Variants in LMNTD1 observed in about 807,000 individuals in gnomAD.
LMNTD1 encodes lamin tail domain-containing protein 1.
A neutral mutation model predicts 50.9 loss-of-function variants in LMNTD1; 35 were observed. That is an observed-to-expected ratio of 0.69 (90% CI 0.53 to 0.91). The LOEUF is 0.91. Ranked by LOEUF, LMNTD1 falls within the 40% of genes least tolerant of loss-of-function variation. LMNTD1 has a pLI of 0.00. For synonymous variants in LMNTD1, 153 were observed against 161.9 expected (o/e 0.94, Z 0.42); for missense variants, 470 against 475.5 (o/e 0.99, Z 0.11).
chr12:25,646,723 C>A, intron 1 of LMNTD1, among the ~76,000 whole-genome samples: 1 of 152,192 alleles, frequency 6.6e-6, no homozygotes, highest in South Asian at 2.1e-4. Flanking sequence ...AAAATTCTAA[C>A]AGTAGTAAGC....
intron 8 of LMNTD1, among the ~76,000 whole-genome samples, chr12:25,513,259 G>A (rs1016859834): frequency 2.0e-5 from 3 of 152,184 alleles, no homozygotes; most frequent in African/African-American, 4.8e-5. Flanking sequence ...TCGCATTATT[G>A]CCAATGCAAT....
chr12:25,591,545 C>T (rs190986371), intron 1 of LMNTD1, among the ~76,000 whole-genome samples: 1 of 152,284 alleles, frequency 6.6e-6, no homozygotes, highest in African/African-American at 2.4e-5. Flanking sequence ...GTCCCTGGCT[C>T]CTGGACGGCA....
chr12:25,490,486 A>G (rs1938848386), intron 9 of LMNTD1, among the ~76,000 whole-genome samples: 1 of 152,236 alleles, frequency 6.6e-6, no homozygotes, highest in Non-Finnish European at 1.5e-5. Flanking sequence ...TATAAAAGTT[A>G]GAAGTGAAGC....
chr12:25,622,476 C>G (rs374742486), intron 1 of LMNTD1, among the ~76,000 whole-genome samples: 1 of 141,502 alleles, frequency 7.1e-6, no homozygotes, highest in African/African-American at 2.6e-5. Flanking sequence ...CGCCCCCCCC[C>G]GCAAAATAAT....
In LMNTD1 at chr12:25,552,262, C is replaced by T. The variant is rs554879639; in HGVS notation, c.89+609G>A. ...CCAATATTCTGGTAATTTTTTTGTC[C>T]CCAGTTCTGTAAAATAGTTCTAGAA... On this transcript the variant is annotated intron_variant, in intron 2 of 9. Coordinates refer to ENST00000458174, the MANE Select transcript of LMNTD1 (RefSeq NM_001145728.2). 2.0e-4 allele frequency among the ~76,000 whole-genome samples: 30 copies of T among 151,696 alleles called. No homozygotes were observed. The South Asian group carries it at 3.8e-3, about 19-fold the overall frequency.
chr12:25,592,247 G>A (rs1412446164), intron 1 of LMNTD1, among the ~76,000 whole-genome samples: 2 of 152,186 alleles, frequency 1.3e-5, no homozygotes, highest in African/African-American at 4.8e-5. Flanking sequence ...CAGTTGAATG[G>A]ACAGAGCAGC....
At chr12:25,489,207 G>A (rs1166688289) in intron 9 of LMNTD1, among the ~76,000 whole-genome samples, 3 of 151,778 alleles carry the variant, frequency 2.0e-5, no homozygotes, top group African/African-American at 4.8e-5. Context: ...CTGGGCAATG[G>A]CGGGCGCCCC....
intron 1 of LMNTD1, among the ~76,000 whole-genome samples, chr12:25,594,311 C>A (rs1231083811): frequency 1.3e-5 from 2 of 152,082 alleles, no homozygotes; most frequent in African/African-American, 2.4e-5. Context: ...AGCTGTGAGG[C>A]AAAACCACCA....
chr12:25,618,003 C>T (rs1318971282), intron 1 of LMNTD1, among the ~76,000 whole-genome samples: 3 of 152,214 alleles, frequency 2.0e-5, no homozygotes. Context: ...TGTACAAGCT[C>T]ACACAGCCAG....
chr12:25,631,100 C>T (rs1356223593), intron 1 of LMNTD1, among the ~76,000 whole-genome samples: 2 of 152,110 alleles, frequency 1.3e-5, no homozygotes, highest in African/African-American at 2.4e-5. Context: ...GAACATAACT[C>T]CATTGGCCTG....
At chr12:25,620,460 C>T (rs1035487689) in intron 1 of LMNTD1, among the ~76,000 whole-genome samples, 1 of 151,660 alleles carries the variant, frequency 6.6e-6, no homozygotes, top group African/African-American at 2.4e-5. Context: ...TTTGTTGTTT[C>T]TCTGAAGGAT....
intron 1 of LMNTD1, among the ~76,000 whole-genome samples, chr12:25,635,478 A>G (rs1053657338): frequency 1.3e-5 from 2 of 152,210 alleles, no homozygotes; most frequent in Admixed American, 6.5e-5. Context: ...GCTGAAAGAA[A>G]TCATAGATGC....
At chr12:25,580,577 A>AGGGTACAT (rs1945242341) in intron 1 of LMNTD1, among the ~76,000 whole-genome samples, 1 of 152,188 alleles carries the variant, frequency 6.6e-6, no homozygotes, top group East Asian at 1.9e-4. Flanking sequence ...AAATGAACAA[A>AGGGTACAT]ATATAGACAG....
chr12:25,482,713 G>A (rs901261588), intron 9 of LMNTD1, among the ~76,000 whole-genome samples: 1 of 151,984 alleles, frequency 6.6e-6, no homozygotes, highest in Non-Finnish European at 1.5e-5. Flanking sequence ...AGCACAGAAT[G>A]TCTGCAGGAC....
At chr12:25,505,545 C>G (rs1269028467) in intron 8 of LMNTD1, among the ~76,000 whole-genome samples, 2 of 151,844 alleles carry the variant, frequency 1.3e-5, no homozygotes, top group Non-Finnish European at 2.9e-5. Context: ...AATATGGTGA[C>G]TTTTTAATCT....
intron 9 of LMNTD1, among the ~76,000 whole-genome samples, chr12:25,498,616 C>A (rs771655987): frequency 5.3e-5 from 8 of 152,170 alleles, no homozygotes; most frequent in Non-Finnish European, 1.0e-4. Flanking sequence ...CACAAGGGCA[C>A]TTCATGTGAA....
intron 1 of LMNTD1, among the ~76,000 whole-genome samples, chr12:25,616,372 G>GAC (rs1946354114): frequency 6.6e-6 from 1 of 152,028 alleles, no homozygotes; most frequent in South Asian, 2.1e-4. Flanking sequence ...ATGAACTATT[G>GAC]ACACACACAA....
At chr12:25,582,657 GAC>G (rs1159484306) in intron 1 of LMNTD1, among the ~76,000 whole-genome samples, 1 of 152,146 alleles carries the variant, frequency 6.6e-6, no homozygotes, top group Non-Finnish European at 1.5e-5. Flanking sequence ...ATTTAAATAA[GAC>G]TGTGTCAATA....
At chr12:25,580,058 C>T (rs568167715) in intron 1 of LMNTD1, among the ~76,000 whole-genome samples, 1 of 152,262 alleles carries the variant, frequency 6.6e-6, no homozygotes, top group Admixed American at 6.5e-5. Context: ...TCTGCAAGCC[C>T]TGTGATCTAA....
Sources: allele counts gnomAD v4.1 joint callset (sites outside exome capture counted in the v4.1 genomes callset), GRCh38; gene constraint gnomAD v4.1.1; transcripts MANE v1.5; gene names NCBI Gene and HGNC (gene_info 2026-07-23, HGNC 2026-07-21).